Variants in CTNNBL1 observed in about 807,000 individuals in gnomAD.
CTNNBL1 encodes the protein beta-catenin-like protein 1.
Under a neutral mutation model 72.7 loss-of-function variants are expected in CTNNBL1, and 31 were observed. The ratio of observed to expected loss-of-function variants is 0.43; its 90% confidence interval spans 0.32 to 0.58. CTNNBL1 has a LOEUF of 0.58. Ranked by LOEUF, CTNNBL1 falls within the 20% of genes least tolerant of loss-of-function variation. The pLI is 0.08. For missense variants in CTNNBL1, 534 were observed against 725.1 expected (o/e 0.74, Z 3.03); for synonymous variants, 240 against 267.3 (o/e 0.90, Z 1.00).
chr20:37,777,428 C>T lies in CTNNBL1; in HGVS notation c.823+11C>T. ...TCCAGGACAATGATGGTGAGGCGCC[C>T]TCTCAGTATTGATATTCTGTTAGGA... On this transcript the variant is annotated intron_variant, in intron 8 of 15. Coordinates refer to ENST00000361383, the MANE Select transcript of CTNNBL1 (RefSeq NM_030877.5). The T allele has an allele frequency of 1.2e-6, 2 of 1,612,022 alleles. No homozygotes were observed. Among genetic ancestry groups the T allele is most frequent in the Non-Finnish European group, 8.5e-7 (1 of 1,178,096 alleles).
chr20:37,749,260 T>G (rs1179129045), intron 4 of CTNNBL1, among the ~76,000 whole-genome samples: 1 of 152,226 alleles, frequency 6.6e-6, no homozygotes, highest in Non-Finnish European at 1.5e-5. Flanking sequence ...CTTATTTTCT[T>G]TCTGGAAACA....
Position 37,788,326 on chromosome 20 carries a change from C to T in CTNNBL1, c.1031+8991C>T, listed in dbSNP as rs575600148. On this transcript the variant is annotated intron_variant, in intron 10 of 15. Coordinates refer to ENST00000361383, the MANE Select transcript of CTNNBL1 (RefSeq NM_030877.5). ...TAGCAAAAGATACACCTTTGGTTTT[C>T]TGTGTTTGGTTTCTTAATTTTCTAA... 5.0e-4 allele frequency among the ~76,000 whole-genome samples: 76 copies of T among 152,208 alleles called. No individual in the cohort carries two copies. The South Asian group carries it at 0.015, about 30-fold the overall frequency.
chr20:37,795,441 T>C (rs989231034), intron 10 of CTNNBL1, among the ~76,000 whole-genome samples: 6 of 152,248 alleles, frequency 3.9e-5, no homozygotes, highest in Non-Finnish European at 5.9e-5. Flanking sequence ...GTATATGATA[T>C]AATTATAAAT....
rs1273850059 is a variant in CTNNBL1, at chr20:37,777,720, A to T, written c.882+8A>T. On this transcript the variant is annotated splice_region_variant and intron_variant, in intron 9 of 15. Transcript: ENST00000361383. ...CTTCTTCAGCAGTTATCCGTGAGTA[A>T]TTCTTATGCTTCCTGTCTGCTGTAA... The T allele has an allele frequency of 6.2e-6, 10 of 1,613,012 alleles. No individual in the cohort carries two copies. In the Admixed American group the frequency reaches 1.7e-4, roughly 27 times the overall value.
intron 1 of CTNNBL1, among the ~76,000 whole-genome samples, chr20:37,702,650 C>G (rs2072853989): frequency 6.6e-6 from 1 of 152,192 alleles, no homozygotes; most frequent in Admixed American, 6.5e-5. Context: ...TTTTCTCTTT[C>G]ATCTCATGAG....
Position 37,762,652 on chromosome 20 carries a change from G to A in CTNNBL1, c.565-2545G>A, listed in dbSNP as rs116796455. The stretch of plus-strand genomic sequence containing the variant: ...TTGTCACAGGTCCAGAAAATTGAAG[G>A]TAGACCCAAGGGGTTAGAGGGAATA... On this transcript the variant is annotated intron_variant, in intron 5 of 15. Coordinates refer to ENST00000361383, the MANE Select transcript of CTNNBL1 (RefSeq NM_030877.5). Among the ~76,000 whole-genome samples, 1,111 of 152,268 alleles carry A rather than the reference G, an allele frequency of 7.3e-3. 15 individuals carry two copies. The highest frequency in any genetic ancestry group is 0.026 in the African/African-American group (1,065 of 41,550).
chr20:37,727,185 C>T (rs1192888558), intron 1 of CTNNBL1: 10 of 185,282 alleles, frequency 5.4e-5, no homozygotes, highest in Admixed American at 6.5e-5. Context: ...AAAATGAAAC[C>T]CAAAGCTTAG....
At chr20:37,789,591 T>C (rs542241901) in intron 10 of CTNNBL1, among the ~76,000 whole-genome samples, 1 of 152,346 alleles carries the variant, frequency 6.6e-6, no homozygotes, top group East Asian at 1.9e-4. Flanking sequence ...TCATTGTCCC[T>C]GGAGGGAGAC....
At chr20:37,864,511 G>T (rs1165069450) in intron 15 of CTNNBL1, among the ~76,000 whole-genome samples, 2 of 152,040 alleles carry the variant, frequency 1.3e-5, no homozygotes, top group Non-Finnish European at 2.9e-5. Context: ...CTCCTCTATT[G>T]GGGGTGCCAA....
intron 4 of CTNNBL1, among the ~76,000 whole-genome samples, chr20:37,749,146 C>T (rs1032064352): frequency 2.0e-5 from 3 of 152,208 alleles, no homozygotes; most frequent in Non-Finnish European, 4.4e-5. Context: ...ATTTTCAGTC[C>T]GGTGTTCCTC....
At chr20:37,794,068 C>A (rs554862404) in intron 10 of CTNNBL1, among the ~76,000 whole-genome samples, 7 of 151,822 alleles carry the variant, frequency 4.6e-5, no homozygotes, top group Admixed American at 4.6e-4. Flanking sequence ...CATGAGCCAC[C>A]GCACCCGGCC....
chr20:37,869,491 A>G (rs1465455012), intron 15 of CTNNBL1, among the ~76,000 whole-genome samples: 2 of 152,140 alleles, frequency 1.3e-5, no homozygotes, highest in African/African-American at 4.8e-5. Flanking sequence ...TCAGCACGAC[A>G]CTCTGCTGGG....
In CTNNBL1 at chr20:37,718,115, CTGTT is replaced by C. The variant is rs529599694; in HGVS notation, c.31-14763_31-14760del. Among the ~76,000 whole-genome samples, 280 of 152,024 alleles carry C rather than the reference CTGTT, an allele frequency of 1.8e-3. 4 individuals are homozygous for C. Among genetic ancestry groups the C allele is most frequent in the East Asian group, 0.012 (60 of 5,128 alleles). ...GTCATCATGGCCCGCTCTCAATGAG[CTGTT>C]GGGTACACCTCCCAGATGGGGTGGT... On this transcript the variant is annotated intron_variant, in intron 1 of 15. Coordinates refer to ENST00000361383, the MANE Select transcript of CTNNBL1 (RefSeq NM_030877.5).
intron 10 of CTNNBL1, among the ~76,000 whole-genome samples, chr20:37,798,170 C>T (rs1471382791): frequency 6.6e-6 from 1 of 152,210 alleles, no homozygotes; most frequent in Non-Finnish European, 1.5e-5. Flanking sequence ...TATCTGGCAC[C>T]TGCTAGGTAC....
rs139254799 is a variant in CTNNBL1, at chr20:37,806,804, A to G, written c.1213+3756A>G. Among the ~76,000 whole-genome samples, 366 of 152,324 alleles carry G rather than the reference A, an allele frequency of 2.4e-3. 2 individuals are homozygous for G. The highest frequency in any genetic ancestry group is 7.8e-3 in the African/African-American group (325 of 41,566). ...GTTTGCAAGGCCAATCATCTGTCCAATCAGAGTTAGGAGGGGTCTGATAAT... is the reference window on the plus strand; with the variant it reads ...GTTTGCAAGGCCAATCATCTGTCCAGTCAGAGTTAGGAGGGGTCTGATAAT... On this transcript the variant is annotated intron_variant, in intron 11 of 15. Transcript: ENST00000361383.
rs561870972 is a variant in CTNNBL1, at chr20:37,829,128, G to T, written c.1214-10974G>T. Among the ~76,000 whole-genome samples, 8 of 152,256 alleles carry T rather than the reference G, an allele frequency of 5.3e-5. No homozygotes were observed. The East Asian group carries it at 1.5e-3, about 29-fold the overall frequency. On this transcript the variant is annotated intron_variant, in intron 11 of 15. Transcript: ENST00000361383. ...CATCTGGGGGGCAGGGGGCAGGTGG[G>T]TGGCAAGGTTCAGCAATAAAAGAGA...
At chr20:37,815,395 G>A (rs2072047576) in intron 11 of CTNNBL1, among the ~76,000 whole-genome samples, 1 of 150,404 alleles carries the variant, frequency 6.6e-6, no homozygotes, top group Non-Finnish European at 1.5e-5. Context: ...TCAGCTCACT[G>A]CAACCTCCGC....
At chr20:37,842,797 G>A (rs1375289316) in intron 13 of CTNNBL1, among the ~76,000 whole-genome samples, 1 of 152,242 alleles carries the variant, frequency 6.6e-6, no homozygotes, top group Non-Finnish European at 1.5e-5. Context: ...GCATGCTGAG[G>A]AAGGGTGATC....
At chr20:37,824,972 T>C (rs1275522076) in intron 11 of CTNNBL1, among the ~76,000 whole-genome samples, 1 of 152,232 alleles carries the variant, frequency 6.6e-6, no homozygotes, top group Non-Finnish European at 1.5e-5. Flanking sequence ...CACATGATCA[T>C]ACCTAACTAT....
Sources: gnomAD v4.1 joint callset for allele counts (sites outside exome capture counted in the v4.1 genomes callset) on GRCh38, gnomAD v4.1.1 for gene constraint, MANE v1.5 for transcripts, NCBI Gene and HGNC (gene_info 2026-07-23, HGNC 2026-07-21) for gene names.